The following CTSC variants were observed in gnomAD, a reference collection of about 807,000 sequenced individuals.
The protein encoded by CTSC is dipeptidyl peptidase 1.
Under a neutral mutation model 40.9 loss-of-function variants are expected in CTSC, and 37 were observed. The ratio of observed to expected loss-of-function variants is 0.91; its 90% CI spans 0.70 to 1.19. The LOEUF (loss-of-function observed/expected upper bound fraction) is 1.19, where lower values mean the gene tolerates loss of function less well. Ranked by LOEUF, CTSC falls within the 50% of genes most tolerant of loss-of-function variation. The pLI is 0.00. For synonymous variants in CTSC, 232 were observed against 207.4 expected (o/e 1.12, Z -1.02); for missense variants, 594 against 567.3 (o/e 1.05, Z -0.48).
At chr11:88,322,063 C>G (rs892886222) in intron 2 of CTSC, 3 of 152,160 alleles carry the variant, frequency 2.0e-5, no homozygotes, top group African/African-American at 7.2e-5. Context: ...TGGGAAGTGT[C>G]TGTTCATGTT....
At chr11:88,325,990 C>T (rs995903997) in intron 2 of CTSC, 94 of 1,007,462 alleles carry the variant, frequency 9.3e-5, no homozygotes, top group East Asian at 1.9e-4. Flanking sequence ...ATAAAATTTA[C>T]GCTGTGAATA....
chr11:88,337,726 GGGC>G lies in CTSC; in HGVS notation c.-57_-55del. The G allele has an allele frequency of 1.3e-6, 2 of 1,545,052 alleles. No individual in the cohort carries two copies. Among genetic ancestry groups the G allele is most frequent in the South Asian group, 2.4e-5 (2 of 83,996 alleles). On this transcript the variant is annotated 5_prime_UTR_variant, in exon 1 of 7. Coordinates refer to ENST00000227266, the MANE Select transcript of CTSC (RefSeq NM_001814.6). Reference sequence around the variant, plus strand: ...GAATTACCAGGAAGCCGAGCGCTGCGGGCTAGCGGTGAGTCCACCACGAGGCGC... The same window carrying G: ...GAATTACCAGGAAGCCGAGCGCTGCGTAGCGGTGAGTCCACCACGAGGCGC...
intron 4 of CTSC, among the ~76,000 whole-genome samples, chr11:88,304,087 T>C (rs1308906001): frequency 3.3e-5 from 5 of 151,960 alleles, no homozygotes; most frequent in African/African-American, 1.2e-4. Flanking sequence ...TATACTAATA[T>C]AAAGGATAAA....
chr11:88,307,719 T>C (rs1434760091), intron 4 of CTSC, among the ~76,000 whole-genome samples: 1 of 152,086 alleles, frequency 6.6e-6, no homozygotes, highest in Non-Finnish European at 1.5e-5. Context: ...TTTTCATTCA[T>C]TGTGTGTCAT....
chr11:88,332,134 A>C (rs1487674658), intron 2 of CTSC, among the ~76,000 whole-genome samples: 1 of 152,238 alleles, frequency 6.6e-6, no homozygotes, highest in Non-Finnish European at 1.5e-5. Context: ...GATAACAACA[A>C]CGATGGCAGG....
chr11:88,327,844 C>T (rs1938233307), intron 2 of CTSC: 3 of 473,212 alleles, frequency 6.3e-6, no homozygotes, highest in Admixed American at 3.4e-5. Context: ...TTTCGGTTCA[C>T]GTCTACTTAG....
intron 2 of CTSC, chr11:88,325,589 G>A (rs1473312811): frequency 1.0e-6 from 1 of 985,174 alleles, no homozygotes; most frequent in East Asian, 1.1e-4. Flanking sequence ...CACTGTAAGA[G>A]ATTAATTTTC....
At chr11:88,302,882 C>G (rs1009122753) in intron 4 of CTSC, among the ~76,000 whole-genome samples, 1 of 151,994 alleles carries the variant, frequency 6.6e-6, no homozygotes, top group Admixed American at 6.5e-5. Flanking sequence ...ACATAATATA[C>G]ACAAAGATTA....
At chr11:88,294,788 C>T (rs770189211) in intron 6 of CTSC, among the ~76,000 whole-genome samples, 5 of 152,180 alleles carry the variant, frequency 3.3e-5, no homozygotes, top group Non-Finnish European at 5.9e-5. Context: ...AAGCCAAAGC[C>T]GTGTGAAGAG....
chr11:88,296,097 A>T, intron 6 of CTSC, 36 bp downstream of exon 6: 1 of 1,611,530 alleles, frequency 6.2e-7, no homozygotes, highest in South Asian at 1.1e-5. Flanking sequence ...ACACAGGTAA[A>T]TAGCTCATAA....
At chr11:88,301,810 G>GCACACACACA (rs71046248) in intron 4 of CTSC, among the ~76,000 whole-genome samples, 23 of 118,290 alleles carry the variant, frequency 1.9e-4, no homozygotes, top group South Asian at 1.4e-3. Context: ...ACACACGCGC[G>GCACACACACA]CACACACACA....
At chr11:88,302,492 G>C (rs2134774167) in intron 4 of CTSC, among the ~76,000 whole-genome samples, 1 of 152,072 alleles carries the variant, frequency 6.6e-6, no homozygotes, top group East Asian at 1.9e-4. Flanking sequence ...TGGGCGTGGT[G>C]GCGGGTGCCT....
intron 4 of CTSC, among the ~76,000 whole-genome samples, chr11:88,301,876 A>C (rs2134773304): frequency 6.6e-6 from 1 of 151,986 alleles, no homozygotes; most frequent in East Asian, 1.9e-4. Context: ...GACTTCTTGG[A>C]GTTTCCCCAA....
At chr11:88,319,210 A>G (rs1033887778) in intron 2 of CTSC, among the ~76,000 whole-genome samples, 5 of 152,350 alleles carry the variant, frequency 3.3e-5, no homozygotes, top group East Asian at 1.9e-4. Flanking sequence ...TGATGCAAAC[A>G]TAAGAAAATG....
chr11:88,314,582 C>T (rs549158081), intron 2 of CTSC, among the ~76,000 whole-genome samples: 25 of 152,190 alleles, frequency 1.6e-4, no homozygotes, highest in African/African-American at 6.0e-4. Context: ...GGCTGGAGTA[C>T]ACTGGCGAGA....
intron 2 of CTSC, among the ~76,000 whole-genome samples, chr11:88,331,597 G>C (rs1464686423): frequency 6.6e-6 from 1 of 152,124 alleles, no homozygotes; most frequent in African/African-American, 2.4e-5. Context: ...TAGCGCTTCA[G>C]AATTCCCTCA....
At chr11:88,331,838 A>G (rs1938366830) in intron 2 of CTSC, among the ~76,000 whole-genome samples, 1 of 152,162 alleles carries the variant, frequency 6.6e-6, no homozygotes, top group Non-Finnish European at 1.5e-5. Flanking sequence ...AGAGTTCTGC[A>G]GTGGGCAGAT....
chr11:88,296,557 C>CT, intron 5 of CTSC: 1 of 375,354 alleles, frequency 2.7e-6, no homozygotes, highest in Non-Finnish European at 5.1e-6. Context: ...TGGCAATATT[C>CT]TTGATAATGA....
At chr11:88,317,794 G>C (rs1450290587) in intron 2 of CTSC, among the ~76,000 whole-genome samples, 1 of 152,092 alleles carries the variant, frequency 6.6e-6, no homozygotes, top group African/African-American at 2.4e-5. Context: ...TTGCACAGAT[G>C]AGATAATTTA....
Sources: gnomAD v4.1 joint callset for allele counts (sites outside exome capture counted in the v4.1 genomes callset) on GRCh38, gnomAD v4.1.1 for gene constraint, MANE v1.5 for transcripts, NCBI Gene and HGNC (gene_info 2026-07-23, HGNC 2026-07-21) for gene names.